The following UXS1 variants were observed in gnomAD, a reference collection of about 807,000 sequenced individuals.
UXS1 encodes UDP-glucuronic acid decarboxylase 1.
In UXS1, 33 loss-of-function variants were observed where a neutral mutation model predicts 62.6. That is an observed-to-expected ratio of 0.53 (90% confidence interval 0.40 to 0.70). UXS1 has a LOEUF of 0.70. Ranked by LOEUF, UXS1 falls within the 30% of genes least tolerant of loss-of-function variation. UXS1 has a pLI of 0.00. For missense variants in UXS1, 434 were observed against 556.3 expected, an observed-to-expected ratio of 0.78 and a Z score of 2.21; for synonymous variants, 213 against 206.8, an observed-to-expected ratio of 1.03 and a Z score of -0.26.
At chr2:106,184,907 C>T (rs1420160189) in intron 1 of UXS1, among the ~76,000 whole-genome samples, 1 of 152,186 alleles carries the variant, frequency 6.6e-6, no homozygotes, top group Admixed American at 6.5e-5. Flanking sequence ...TCAGGCCACA[C>T]GGGCCAACCC....
At position 106,194,160 on chromosome 2, in the gene UXS1, C is replaced by A; in HGVS notation, c.82G>T (p.Ala28Ser). 6.7e-7 allele frequency: 1 copy of A among 1,484,714 alleles called. No homozygotes were observed. Among genetic ancestry groups the A allele is most frequent in the Non-Finnish European group, 9.0e-7 (1 of 1,116,172 alleles). 92.0% of individuals were successfully genotyped at this position (1,484,714 alleles called of 1,614,324 possible). A position where few individuals can be genotyped will look rare whatever the true frequency, so the allele number is the denominator to read the frequency against. ...GGCGCGCACTCACAGGCGACGTAGG[C>A]CAGCAAGGCGATGCCCAGCAGCAGC... ...MKLLLGIALL[A>S]YVASVWGNFV... The change falls in exon 1 of 15, where the codon GCC becomes TCC. Residue 28 changes from alanine (A) to serine (S), a missense_variant. Physicochemically the swap from Ala to Ser is moderately conservative, Grantham distance 99 (BLOSUM62 1). Transcript: ENST00000283148.
At chr2:106,096,416 T>C (rs1390462023) in intron 14 of UXS1, among the ~76,000 whole-genome samples, 1 of 152,206 alleles carries the variant, frequency 6.6e-6, no homozygotes, top group East Asian at 1.9e-4. Flanking sequence ...TATATGTGTG[T>C]ACAAGTGTTT....
At chr2:106,178,504 G>C (rs1368824026) in intron 1 of UXS1, among the ~76,000 whole-genome samples, 1 of 121,142 alleles carries the variant, frequency 8.3e-6, no homozygotes, top group Non-Finnish European at 1.7e-5. Context: ...GTATGTGTAT[G>C]TATACATATA....
In UXS1 at chr2:106,159,687, C is replaced by T. The variant is rs76763110; in HGVS notation, c.231-1569G>A. Among the ~76,000 whole-genome samples, 81 of 152,258 alleles carry T rather than the reference C, an allele frequency of 5.3e-4. No homozygotes were observed. In the East Asian group the frequency reaches 7.5e-3, roughly 14 times the overall value. The stretch of plus-strand genomic sequence containing the variant: ...GGAAAGGTGTTGTGCCAGGTGGCAC[C>T]GTCTCCATCCCTGCCCTGTCCCCAG... On this transcript the variant is annotated intron_variant, in intron 4 of 14. Transcript: ENST00000283148.
At chr2:106,117,415 T>C (rs1679145500) in intron 9 of UXS1, among the ~76,000 whole-genome samples, 1 of 152,242 alleles carries the variant, frequency 6.6e-6, no homozygotes, top group South Asian at 2.1e-4. Context: ...GTTATAGCAA[T>C]TAGCCTGTGG....
At chr2:106,191,160 C>T (rs142357428) in intron 1 of UXS1, among the ~76,000 whole-genome samples, 1 of 152,014 alleles carries the variant, frequency 6.6e-6, no homozygotes, top group Non-Finnish European at 1.5e-5. Context: ...AGACTCAGGG[C>T]CAGAGTAGGT....
At chr2:106,156,147 T>A (rs1027854196) in intron 5 of UXS1, among the ~76,000 whole-genome samples, 1 of 152,012 alleles carries the variant, frequency 6.6e-6, no homozygotes, top group African/African-American at 2.4e-5. Flanking sequence ...ATATACCTGA[T>A]AAGAAACTTG....
intron 12 of UXS1, 200 bp downstream of exon 12, chr2:106,100,858 C>G (rs1293981324): frequency 6.2e-6 from 4 of 646,144 alleles, no homozygotes; most frequent in Non-Finnish European, 1.1e-5. Flanking sequence ...CATCACTCAC[C>G]CGTGCCTTGC....
intron 13 of UXS1, chr2:106,097,122 T>G (rs1439246808): frequency 1.5e-5 from 8 of 517,978 alleles, no homozygotes; most frequent in Non-Finnish European, 3.7e-6. Context: ...AGAGGGTTGC[T>G]CCAAGGCAGA....
intron 11 of UXS1, 86 bp from the exon 12 acceptor site, chr2:106,101,204 A>C: frequency 1.5e-6 from 2 of 1,368,428 alleles, no homozygotes; most frequent in South Asian, 2.9e-5. Context: ...CCAGAAGAAA[A>C]ATTACCACCC....
chr2:106,185,394 T>C (rs992655684), intron 1 of UXS1, among the ~76,000 whole-genome samples: 1 of 152,218 alleles, frequency 6.6e-6, no homozygotes. Flanking sequence ...ACCACGTGTG[T>C]GTGCTTTTCC....
Position 106,093,764 on chromosome 2 carries a change from T to TA in UXS1, c.*261dup, listed in dbSNP as rs555295430. On this transcript the variant is annotated 3_prime_UTR_variant, in exon 15 of 15. Coordinates refer to ENST00000283148, the MANE Select transcript of UXS1 (RefSeq NM_001253875.2). ...CACAACATATGCTCTCACAGCAAGA[T>TA]AAAAAAACTTGAAAATACGCAGAGA... 441 of 379,268 alleles carry TA rather than the reference T, an allele frequency of 1.2e-3. 1 individual carries two copies. The highest frequency in any genetic ancestry group is 8.3e-3 in the African/African-American group (399 of 47,812). The allele number at this position is 379,268 out of a possible 1,614,324, so 23.5% of individuals were successfully genotyped here.
chr2:106,117,406 T>C (rs1679144609), intron 9 of UXS1, among the ~76,000 whole-genome samples: 1 of 152,232 alleles, frequency 6.6e-6, no homozygotes, highest in Admixed American at 6.5e-5. Context: ...TTAACTCTTG[T>C]TATAGCAATT....
intron 7 of UXS1, among the ~76,000 whole-genome samples, chr2:106,129,122 G>A (rs1161927170): frequency 1.3e-5 from 2 of 152,162 alleles, no homozygotes; most frequent in East Asian, 3.9e-4. Context: ...CATTAACAAT[G>A]CTCTCTCGTC....
intron 5 of UXS1, among the ~76,000 whole-genome samples, chr2:106,146,959 C>T (rs1681628870): frequency 6.6e-6 from 1 of 151,758 alleles, no homozygotes; most frequent in East Asian, 1.9e-4. Context: ...TCAAGACTAG[C>T]CTGCGCAGCA....
chr2:106,182,707 C>T (rs985979335), intron 1 of UXS1, among the ~76,000 whole-genome samples: 4 of 151,976 alleles, frequency 2.6e-5, no homozygotes, highest in African/African-American at 9.7e-5. Context: ...CCTCAGTTTC[C>T]CCACCTATGA....
At chr2:106,146,652 C>T (rs1032664928) in intron 5 of UXS1, among the ~76,000 whole-genome samples, 1 of 151,538 alleles carries the variant, frequency 6.6e-6, no homozygotes, top group Admixed American at 6.6e-5. Flanking sequence ...TGGTGGCACA[C>T]TCCTGTAATC....
chr2:106,180,978 A>G (rs1432266206), intron 1 of UXS1, among the ~76,000 whole-genome samples: 2 of 152,256 alleles, frequency 1.3e-5, no homozygotes, highest in African/African-American at 2.4e-5. Context: ...ACCTCAAACG[A>G]TAACAATGGA....
rs1023799921 is a variant in UXS1, at chr2:106,155,789, G to C, written c.291+2269C>G. The stretch of plus-strand genomic sequence containing the variant: ...TTTACGGTAAAATTATTTTCAACAA[G>C]GGTGCCAGGAAAATTCAATGGGCAA... On this transcript the variant is annotated intron_variant, in intron 5 of 14. Transcript: ENST00000283148. Among the ~76,000 whole-genome samples the C allele has an allele frequency of 3.3e-5, 5 of 152,106 alleles. No homozygotes were observed. The South Asian group carries it at 1.0e-3, about 32-fold the overall frequency.
Sources: gnomAD v4.1 joint callset for allele counts (sites outside exome capture counted in the v4.1 genomes callset) on GRCh38, gnomAD v4.1.1 for gene constraint, MANE v1.5 for transcripts, NCBI Gene and HGNC (gene_info 2026-07-23, HGNC 2026-07-21) for gene names.